DIP2A: variants seen among roughly 807,000 people sequenced by gnomAD.
DIP2A encodes the protein DIP2 acetate--CoA ligase A, also known as disco-interacting protein 2 homolog A.
Under a neutral mutation model 177.4 loss-of-function variants are expected in DIP2A, and 85 were observed. The ratio of observed to expected loss-of-function variants is 0.48; its 90% CI spans 0.40 to 0.57. DIP2A has a LOEUF of 0.57. Ranked by LOEUF, DIP2A falls within the 20% of genes least tolerant of loss-of-function variation. The probability of loss-of-function intolerance (pLI) is 0.00; values close to 1 mark genes in which losing one functional copy is unlikely to be tolerated. For missense variants in DIP2A, 1,791 were observed against 2,100.2 expected (o/e 0.85, Z 2.88); for synonymous variants, 886 against 881.8 (o/e 1.00, Z -0.08).
intron 1 of DIP2A, among the ~76,000 whole-genome samples, chr21:46,469,618 T>C (rs1172898089): frequency 6.6e-6 from 1 of 152,236 alleles, no homozygotes; most frequent in Admixed American, 6.5e-5. Flanking sequence ...ACCCTCAAGC[T>C]GAGGCTATGC....
chr21:46,555,400 G>C (rs1336422744), intron 28 of DIP2A: 1 of 213,726 alleles, frequency 4.7e-6, no homozygotes, highest in Admixed American at 5.2e-5. Context: ...GCCTGGGCTG[G>C]ATGGGGCTGG....
rs887028520 is a variant in DIP2A, at chr21:46,511,756, G to A, written c.1102+142G>A. The A allele has an allele frequency of 7.9e-6, 7 of 889,606 alleles. No individual in the cohort carries two copies. The Admixed American group carries it at 2.5e-4, about 32-fold the overall frequency. The allele number at this position is 889,606 out of a possible 1,614,324, so 55.1% of individuals were successfully genotyped here. A position where few individuals can be genotyped will look rare whatever the true frequency, so the allele number is the denominator to read the frequency against. On this transcript the variant is annotated intron_variant, in intron 8 of 37. Transcript: ENST00000417564. ...ATAAATAGAACATTGACCTATACCA[G>A]GTACCCATCCCACCGGAGGGGACCA... is the stretch of plus-strand genomic sequence containing the variant.
At position 46,518,689 on chromosome 21, in the gene DIP2A, T is replaced by C. The variant is rs1019484363; in HGVS notation, c.1102+7075T>C. On this transcript the variant is annotated intron_variant, in intron 8 of 37. Coordinates refer to ENST00000417564, the MANE Select transcript of DIP2A (RefSeq NM_015151.4). ...CTGGCCAACATGGCAAAAGCCTGTC[T>C]CTACTAAAAATACAAAAATCAGCCG... is the stretch of plus-strand genomic sequence containing the variant. Among the ~76,000 whole-genome samples the C allele has an allele frequency of 3.3e-5, 5 of 152,250 alleles. No individual in the cohort carries two copies. The South Asian group carries it at 6.2e-4, about 19-fold the overall frequency.
chr21:46,570,347 A>G (rs1468818460), downstream of DIP2A, among the ~76,000 whole-genome samples: 1 of 152,156 alleles, frequency 6.6e-6, no homozygotes, highest in African/African-American at 2.4e-5. Flanking sequence ...CTCTTTAACA[A>G]TTTGATAGGC....
intron 12 of DIP2A, 100 bp from the exon 13 acceptor site, chr21:46,534,485 C>G: frequency 8.6e-7 from 1 of 1,163,932 alleles, no homozygotes; most frequent in Non-Finnish European, 1.2e-6. Flanking sequence ...AGAGGAGAGA[C>G]ACTGACCACT....
At chr21:46,504,946 G>A (rs957673659) in intron 6 of DIP2A, among the ~76,000 whole-genome samples, 2 of 152,234 alleles carry the variant, frequency 1.3e-5, no homozygotes, top group African/African-American at 4.8e-5. Context: ...GGTTTCCCAT[G>A]TGCAGGCTCA....
rs746551966 is a variant in DIP2A at position 46,498,468 on chromosome 21, A to G, written c.404-114A>G. On this transcript the variant is annotated intron_variant, in intron 4 of 37. Coordinates refer to ENST00000417564, the MANE Select transcript of DIP2A (RefSeq NM_015151.4). This position sits in a 1 kb window ranked among gnomAD's most constrained non-coding sequence, Gnocchi z 4.3. ...GCGTGGCTTTGGGCAGAGCTGTGCC[A>G]GGTGTACAGAAGCATGCTGCACACA... 6 of 1,285,208 alleles carry G rather than the reference A, an allele frequency of 4.7e-6. No homozygotes were observed. The highest frequency in any genetic ancestry group is 2.3e-5 in the East Asian group (1 of 42,898). The allele number at this position is 1,285,208 out of a possible 1,614,324, so 79.6% of individuals were successfully genotyped here.
At chr21:46,562,640 A>G (rs1209756488) in intron 34 of DIP2A, among the ~76,000 whole-genome samples, 1 of 152,174 alleles carries the variant, frequency 6.6e-6, no homozygotes, top group Non-Finnish European at 1.5e-5. Context: ...TGGGAGCTAC[A>G]GGGAGGCCAG....
At chr21:46,462,154 C>T (rs565512738) in intron 1 of DIP2A, among the ~76,000 whole-genome samples, 1 of 152,278 alleles carries the variant, frequency 6.6e-6, no homozygotes, top group South Asian at 2.1e-4. Context: ...CTAGACTGGC[C>T]TGACACTTTT....
chr21:46,525,403 G>A (rs1179770557), intron 8 of DIP2A, among the ~76,000 whole-genome samples: 1 of 152,198 alleles, frequency 6.6e-6, no homozygotes, highest in Non-Finnish European at 1.5e-5. Context: ...GGAGGAGACA[G>A]CCCTTGCCCC....
chr21:46,531,964 C>G (rs796764324), intron 9 of DIP2A, among the ~76,000 whole-genome samples, 163 bp from the exon 10 acceptor site: 20 of 152,286 alleles, frequency 1.3e-4, no homozygotes, highest in African/African-American at 4.8e-4. Context: ...AGTCAACTGT[C>G]TCTACTCAGT....
Position 46,463,680 on chromosome 21 carries a change from T to TTGTGTGTGTGTGTG in DIP2A, c.91+4484_91+4497dup, listed in dbSNP as rs5844275. On this transcript the variant is annotated intron_variant, in intron 1 of 37. Transcript: ENST00000417564. ...TTAATTTCTAAAATCTGGGATATAT[T>TTGTGTGTGTGTGTG]TGTGTGTGTGTGTGTGTGTGTGTGT... 8.6e-3 allele frequency among the ~76,000 whole-genome samples: 1,126 copies of TTGTGTGTGTGTGTG among 131,008 alleles called. 9 individuals are homozygous for TTGTGTGTGTGTGTG. The highest frequency in any genetic ancestry group is 0.024 in the Middle Eastern group (6 of 248). The allele number at this position is 131,008 out of a possible 152,430, so 85.9% of individuals were successfully genotyped here. A position where few individuals can be genotyped will look rare whatever the true frequency, so the allele number is the denominator to read the frequency against.
At chr21:46,466,248 A>C (rs555783419) in intron 1 of DIP2A, among the ~76,000 whole-genome samples, 1 of 152,176 alleles carries the variant, frequency 6.6e-6, no homozygotes, top group Non-Finnish European at 1.5e-5. Context: ...GTCATAGTGC[A>C]TGGGTAAAAG....
rs1028154995 is a variant in DIP2A at position 46,556,016 on chromosome 21, C to T, written c.3423C>T (p.Phe1141=). 9.3e-6 allele frequency: 15 copies of T among 1,613,944 alleles called. No homozygotes were observed. The highest frequency in any genetic ancestry group is 1.2e-5 in the Non-Finnish European group (14 of 1,179,854). The change falls in exon 29 of 38, where the codon TTC becomes TTT. Residue 1141 remains phenylalanine (F), a synonymous_variant. Coordinates refer to ENST00000417564, the MANE Select transcript of DIP2A (RefSeq NM_015151.4). The surrounding 1 kb of genome is among the most constrained non-coding windows in gnomAD (Gnocchi z 4.5). ...CAAAAAAGAAGATAGCAAGCGTTTT[C>T]AGGCCCCCCTCCCCCGATGTCCTCG... The part of the protein sequence containing the change: ...DIPKKKIASV[F]RPPSPDVLAY...
At chr21:46,507,852 C>T (rs1217313913) in intron 6 of DIP2A, among the ~76,000 whole-genome samples, 2 of 151,718 alleles carry the variant, frequency 1.3e-5, no homozygotes, top group African/African-American at 4.8e-5. Context: ...AGGCAACTGC[C>T]ACCACACTTG....
At position 46,464,817 on chromosome 21, in the gene DIP2A, C is replaced by CTTTTTTTT. The variant is rs1168153777; in HGVS notation, c.91+5615_91+5622dup. Among the ~76,000 whole-genome samples the CTTTTTTTT allele has an allele frequency of 1.7e-3, 128 of 73,432 alleles. 13 individuals carry two copies. Among genetic ancestry groups the CTTTTTTTT allele is most frequent in the African/African-American group, 4.2e-3 (70 of 16,486 alleles). The allele number at this position is 73,432 out of a possible 152,430, so 48.2% of individuals were successfully genotyped here. ...TCTTCCTTTTTCTTAATATTCATGTCTTTTTTTTTTTTTTTTTTTTTTTTT... is the reference window on the plus strand; with the variant it reads ...TCTTCCTTTTTCTTAATATTCATGTCTTTTTTTTTTTTTTTTTTTTTTTTTTTTTTTTT... On this transcript the variant is annotated intron_variant, in intron 1 of 37. Transcript: ENST00000417564.
Position 46,504,596 on chromosome 21 carries a change from T to A in DIP2A, c.784+107T>A, listed in dbSNP as rs1047490913. On this transcript the variant is annotated intron_variant, in intron 6 of 37. Transcript: ENST00000417564. ...CACTGTAGCAAACCCAAGCCAAACGTCAGTTTTAATCCATGCAGATAAATA... is the reference window on the plus strand; with the variant it reads ...CACTGTAGCAAACCCAAGCCAAACGACAGTTTTAATCCATGCAGATAAATA... 11 of 1,330,046 alleles carry A rather than the reference T, an allele frequency of 8.3e-6. No homozygotes were observed. In the East Asian group the frequency reaches 2.7e-4, roughly 33 times the overall value. 82.4% of individuals were successfully genotyped at this position (1,330,046 alleles called of 1,614,324 possible). A position where few individuals can be genotyped will look rare whatever the true frequency, so the allele number is the denominator to read the frequency against.
At chr21:46,546,197 G>A (rs1167817491) in intron 20 of DIP2A, 2 of 1,313,698 alleles carry the variant, frequency 1.5e-6, no homozygotes, top group African/African-American at 3.0e-5. Flanking sequence ...CGGGGTGGAT[G>A]AGGATGTTTT....
chr21:46,537,078 T>C lies in DIP2A; in HGVS notation c.1643-146T>C. ...TTGAATAGATAACCAGGATTATTAT[T>C]AATTGGTATGTGGTATTTGGAAATG... On this transcript the variant is annotated intron_variant, in intron 13 of 37. Coordinates refer to ENST00000417564, the MANE Select transcript of DIP2A (RefSeq NM_015151.4). This position sits in a 1 kb window ranked among gnomAD's most constrained non-coding sequence, Gnocchi z 4.1. The C allele has an allele frequency of 1.3e-6, 1 of 771,852 alleles. No individual in the cohort carries two copies. Among genetic ancestry groups the C allele is most frequent in the South Asian group, 1.5e-5 (1 of 64,970 alleles). The allele number at this position is 771,852 out of a possible 1,614,324, so 47.8% of individuals were successfully genotyped here.
Sources: allele counts gnomAD v4.1 joint callset (sites outside exome capture counted in the v4.1 genomes callset), GRCh38; gene constraint gnomAD v4.1.1; non-coding constraint Gnocchi (gnomAD v3.1); transcripts MANE v1.5; gene names NCBI Gene and HGNC (gene_info 2026-07-23, HGNC 2026-07-21).